PAK4: variants seen among roughly 807,000 people sequenced by gnomAD.
PAK4 encodes p21 (RAC1) activated kinase 4, also known as serine/threonine-protein kinase PAK 4.
A neutral mutation model predicts 53.5 loss-of-function variants in PAK4; 49 were observed. That is an observed-to-expected ratio of 0.92 (90% CI 0.73 to 1.16). PAK4 has a LOEUF of 1.16. Ranked by LOEUF, PAK4 falls within the 50% of genes most tolerant of loss-of-function variation. The pLI, the probability that PAK4 is intolerant of heterozygous loss-of-function variation, is 0.00. For synonymous variants in PAK4, 376 were observed against 375.6 expected (o/e 1.00, Z -0.01); for missense variants, 824 against 850.7 (o/e 0.97, Z 0.39).
intron 1 of PAK4, among the ~76,000 whole-genome samples, chr19:39,163,460 G>A (rs531052058): frequency 2.0e-5 from 3 of 152,000 alleles, no homozygotes; most frequent in East Asian, 3.9e-4. Flanking sequence ...TTTGTCGCAC[G>A]GTGGATCTTG....
chr19:39,158,723 T>C (rs988479971), intron 1 of PAK4, among the ~76,000 whole-genome samples: 1 of 152,070 alleles, frequency 6.6e-6, no homozygotes, highest in African/African-American at 2.4e-5. Flanking sequence ...TGAGCCACAC[T>C]CTCTGCGCTG....
chr19:39,147,937 C>T (rs1600339848), intron 1 of PAK4, among the ~76,000 whole-genome samples: 2 of 92,468 alleles, frequency 2.2e-5, no homozygotes, highest in Non-Finnish European at 4.1e-5. Context: ...CATATGAGAT[C>T]TTTATCTATT....
intron 1 of PAK4, among the ~76,000 whole-genome samples, chr19:39,132,003 C>T (rs1445511637): frequency 3.9e-5 from 6 of 152,110 alleles, no homozygotes; most frequent in African/African-American, 1.2e-4. Flanking sequence ...TTGGTGCGTT[C>T]GATGGTTTCC....
intron 1 of PAK4, among the ~76,000 whole-genome samples, chr19:39,147,053 C>CTGTCATTGTCAATTGACAAT (rs1234611172): frequency 1.5e-4 from 4 of 26,512 alleles, no homozygotes; most frequent in Admixed American, 2.8e-4. Flanking sequence ...GACATTGACA[C>CTGTCATTGTCAATTGACAAT]TGTCATTGTC....
chr19:39,152,538 T>A (rs1310949387), intron 1 of PAK4: 1 of 152,168 alleles, frequency 6.6e-6, no homozygotes, highest in Non-Finnish European at 1.5e-5. Flanking sequence ...GAAAAAAAAT[T>A]GTATGCTAAG....
At chr19:39,174,970 G>A in exon 5 of PAK4, 1 of 1,613,982 alleles carries the variant, frequency 6.2e-7, no homozygotes, top group South Asian at 1.1e-5. Context: ...GAATGTGGTG[G>A]AGATGTACAA....
intron 1 of PAK4, among the ~76,000 whole-genome samples, chr19:39,167,526 C>G (rs868689728): frequency 6.6e-6 from 1 of 152,058 alleles, no homozygotes; most frequent in Non-Finnish European, 1.5e-5. Flanking sequence ...AGAGAAGGGG[C>G]TGGGCAGAGA....
chr19:39,178,395 C>T lies in PAK4; in HGVS notation c.1621-29C>T. 1.0e-5 allele frequency: 16 copies of T among 1,560,768 alleles called. No homozygotes were observed. The highest frequency in any genetic ancestry group is 1.4e-5 in the African/African-American group (1 of 73,534). On this transcript the variant is annotated intron_variant, in intron 8 of 8. Coordinates refer to ENST00000358301, the Ensembl canonical transcript of PAK4. This position sits in a 1 kb window ranked among gnomAD's most constrained non-coding sequence, Gnocchi z 4.4. ...AGCAAATGAACAGTGGGGAGCCTCG[C>T]CCCCTGACCCTCCCCTCCTTCTCGA... is the stretch of plus-strand genomic sequence containing the variant.
intron 1 of PAK4, among the ~76,000 whole-genome samples, chr19:39,140,142 T>C (rs1164487523): frequency 6.6e-6 from 1 of 152,134 alleles, no homozygotes; most frequent in Non-Finnish European, 1.5e-5. Context: ...TCTCTCTCCC[T>C]GTTTTTCTGC....
rs1388321963 is a variant in PAK4 at position 39,173,153 on chromosome 19, G to A, written c.440G>A (p.Gly147Asp). 1.3e-6 allele frequency: 2 copies of A among 1,541,842 alleles called. No homozygotes were observed. Among genetic ancestry groups the A allele is most frequent in the South Asian group, 1.2e-5 (1 of 83,450 alleles). The change falls in exon 3 of 9, where the codon GGC becomes GAC. Residue 147 changes from glycine (G) to aspartate (D), a missense_variant. By Grantham distance (94) the Gly-to-Asp change is moderately conservative. Coordinates refer to ENST00000358301, the Ensembl canonical transcript of PAK4. The surrounding 1 kb of genome is among the most constrained non-coding windows in gnomAD (Gnocchi z 6.9). ...GCCGGTCACAGCGAGGCGGGTGGCG[G>A]CAGTGGTGACAGGCGACGGGCGGGG...
At position 39,175,861 on chromosome 19, in the gene PAK4, CTG is replaced by C. The variant is rs2074594548; in HGVS notation, c.1359+426_1359+427del. On this transcript the variant is annotated intron_variant, in intron 6 of 8. Transcript: ENST00000358301. The surrounding 1 kb of genome is among the most constrained non-coding windows in gnomAD (Gnocchi z 4.7). ...TATAACGTCGGGTGGACATGATTTT[CTG>C]TGAGAGAGGGCCCTTGACTTGAATG... Among the ~76,000 whole-genome samples the C allele has an allele frequency of 6.6e-6, 1 of 152,194 alleles. No individual in the cohort carries two copies. The highest frequency in any genetic ancestry group is 2.4e-5 in the African/African-American group (1 of 41,440).
chr19:39,176,461 C>T (rs1397224996), intron 6 of PAK4, 129 bp from the exon 8 acceptor site: 2 of 1,282,286 alleles, frequency 1.6e-6, no homozygotes, highest in East Asian at 4.7e-5. Context: ...CAGCTCTGAC[C>T]CTAGACCCCA....
intron 1 of PAK4, among the ~76,000 whole-genome samples, chr19:39,144,824 A>T (rs1289205998): frequency 1.3e-5 from 2 of 152,182 alleles, no homozygotes; most frequent in Admixed American, 6.5e-5. Flanking sequence ...GAGAGACGGT[A>T]AAGAAATGAG....
intron 1 of PAK4, among the ~76,000 whole-genome samples, chr19:39,157,226 G>T (rs2074200743): frequency 6.6e-6 from 1 of 151,888 alleles, no homozygotes; most frequent in African/African-American, 2.4e-5. Flanking sequence ...GGTCGGGGGG[G>T]TGCCTCCTAG....
chr19:39,165,346 C>CGAAA (rs1388502761), intron 1 of PAK4, among the ~76,000 whole-genome samples: 2 of 92,644 alleles, frequency 2.2e-5, no homozygotes, highest in Non-Finnish European at 4.4e-5. Context: ...ACTAAAAATA[C>CGAAA]AAAAAAAAAA....
intron 1 of PAK4, among the ~76,000 whole-genome samples, chr19:39,151,204 G>C (rs2074088861): frequency 6.6e-5 from 10 of 152,214 alleles, no homozygotes; most frequent in Admixed American, 6.5e-4. Context: ...GCAGAAAAAG[G>C]CAAAGGCTTT....
At chr19:39,132,384 T>C (rs184051712) in intron 1 of PAK4, among the ~76,000 whole-genome samples, 68 of 152,332 alleles carry the variant, frequency 4.5e-4, no homozygotes, top group Non-Finnish European at 7.8e-4. Flanking sequence ...TTTCTTTCTT[T>C]CTTGAAATAT....
intron 1 of PAK4, among the ~76,000 whole-genome samples, chr19:39,140,140 C>G (rs1463614007): frequency 2.6e-5 from 4 of 152,102 alleles, no homozygotes; most frequent in African/African-American, 9.7e-5. Flanking sequence ...TGTCTCTCTC[C>G]CTGTTTTTCT....
intron 1 of PAK4, among the ~76,000 whole-genome samples, chr19:39,166,822 G>T (rs953356374): frequency 6.6e-6 from 1 of 152,246 alleles, no homozygotes; most frequent in Admixed American, 6.5e-5. Context: ...GGGAGCGCCT[G>T]CTGGGGAAGC....
Sources: gnomAD v4.1 joint callset for allele counts (sites outside exome capture counted in the v4.1 genomes callset) on GRCh38, gnomAD v4.1.1 for gene constraint, Gnocchi (gnomAD v3.1) non-coding constraint, MANE v1.5 for transcripts, NCBI Gene and HGNC (gene_info 2026-07-23, HGNC 2026-07-21) for gene names.